Variants in ATP10B observed in about 807,000 individuals in gnomAD.
ATP10B encodes the protein phospholipid-transporting ATPase VB.
A neutral mutation model predicts 141.2 loss-of-function variants in ATP10B; 122 were observed. The ratio of observed to expected loss-of-function variants is 0.86; its 90% CI spans 0.75 to 1.00. The LOEUF (loss-of-function observed/expected upper bound fraction) is 1.00. Ranked by LOEUF, ATP10B falls within the 50% of genes least tolerant of loss-of-function variation. The pLI is 0.00. For synonymous variants in ATP10B, 685 were observed against 692.0 expected, an observed-to-expected ratio of 0.99 and a Z score of 0.16; for missense variants, 1,876 against 1,825.3, an observed-to-expected ratio of 1.03 and a Z score of -0.51.
At chr5:160,674,216 A>G (rs2127730290) in intron 6 of ATP10B, among the ~76,000 whole-genome samples, 1 of 152,332 alleles carries the variant, frequency 6.6e-6, no homozygotes, top group South Asian at 2.1e-4. Flanking sequence ...GTATCTGCAT[A>G]CAGAGGCATA....
intron 1 of ATP10B, among the ~76,000 whole-genome samples, chr5:160,830,294 TA>T (rs1273109961): frequency 6.6e-6 from 1 of 152,160 alleles, no homozygotes; most frequent in Non-Finnish European, 1.5e-5. Context: ...GTTCTATTTT[TA>T]AAAATATTCC....
At chr5:160,649,716 C>T (rs993363167) in intron 7 of ATP10B, among the ~76,000 whole-genome samples, 15 of 152,086 alleles carry the variant, frequency 9.9e-5, no homozygotes, top group African/African-American at 3.1e-4. Flanking sequence ...TTATCACATT[C>T]GATACCACAG....
intron 2 of ATP10B, among the ~76,000 whole-genome samples, chr5:160,778,204 A>G (rs1770474221): frequency 6.6e-6 from 1 of 152,242 alleles, no homozygotes. Flanking sequence ...GCCATAATAA[A>G]TAGTTCTTCA....
chr5:160,829,360 C>T (rs1774897001), intron 1 of ATP10B, among the ~76,000 whole-genome samples: 1 of 152,052 alleles, frequency 6.6e-6, no homozygotes, highest in South Asian at 2.1e-4. Flanking sequence ...TTACTGCACG[C>T]TTATAGTATG....
At chr5:160,628,347 C>T (rs1758718779) in intron 13 of ATP10B, among the ~76,000 whole-genome samples, 1 of 152,246 alleles carries the variant, frequency 6.6e-6, no homozygotes, top group Non-Finnish European at 1.5e-5. Context: ...GGCTTCACTG[C>T]TTCCTGCCCT....
Position 160,620,669 on chromosome 5 carries a change from G to C in ATP10B, c.2094C>G (p.Ser698=), listed in dbSNP as rs776689178. The C allele has an allele frequency of 6.2e-7, 1 of 1,613,740 alleles. No individual in the cohort carries two copies. Residue 698 remains serine, a synonymous_variant, in exon 15 of 26, where the codon TCC becomes TCG. Coordinates refer to ENST00000327245, the MANE Select transcript of ATP10B (RefSeq NM_025153.3). ...GDILESGSGT[S]LEEALEAPAT... Reference sequence around the variant, plus strand: ...CTGGGGCCTCCAATGCCTCCTCCAAGGAAGTGCCTGACCCAGACTCCAGGA... The same window carrying C: ...CTGGGGCCTCCAATGCCTCCTCCAACGAAGTGCCTGACCCAGACTCCAGGA...
chr5:160,739,441 A>C (rs1435302049), intron 2 of ATP10B, among the ~76,000 whole-genome samples: 9 of 152,260 alleles, frequency 5.9e-5, no homozygotes, highest in African/African-American at 1.9e-4. Context: ...AAAAGATAGA[A>C]TAAGTGAGAT....
At chr5:160,603,913 T>G in intron 20 of ATP10B, 52 bp downstream of exon 20, 1 of 1,518,124 alleles carries the variant, frequency 6.6e-7, no homozygotes, top group Non-Finnish European at 9.1e-7. Context: ...GGATATTTCC[T>G]TGTATCTCAA....
chr5:160,716,047 G>C (rs1401380487), intron 3 of ATP10B, among the ~76,000 whole-genome samples: 1 of 152,112 alleles, frequency 6.6e-6, no homozygotes, highest in Non-Finnish European at 1.5e-5. Flanking sequence ...AAGTGCACAT[G>C]TTCTTAGACC....
At chr5:160,678,649 AAACAG>A (rs1763187606) in intron 6 of ATP10B, among the ~76,000 whole-genome samples, 1 of 152,132 alleles carries the variant, frequency 6.6e-6, no homozygotes, top group Admixed American at 6.5e-5. Flanking sequence ...AAACAAAACA[AAACAG>A]AACAAAAAAC....
At chr5:160,684,746 C>T (rs1332588201) in intron 6 of ATP10B, 1 of 610,548 alleles carries the variant, frequency 1.6e-6, no homozygotes, top group Non-Finnish European at 2.9e-6. Context: ...TCTCCCTACT[C>T]CATCCCTTCT....
At chr5:160,765,797 A>G (rs1056758887) in intron 2 of ATP10B, among the ~76,000 whole-genome samples, 1 of 152,138 alleles carries the variant, frequency 6.6e-6, no homozygotes, top group Non-Finnish European at 1.5e-5. Context: ...ATATTCACAA[A>G]CTATGCATCT....
intron 7 of ATP10B, among the ~76,000 whole-genome samples, chr5:160,669,924 A>C (rs988024980): frequency 2.0e-5 from 3 of 150,920 alleles, no homozygotes; most frequent in Admixed American, 2.0e-4. Flanking sequence ...CTCTTAAAAA[A>C]AAAAAGATAT....
the ATP10B span, among the ~76,000 whole-genome samples, chr5:160,898,689 T>C: frequency 6.6e-5 from 10 of 152,174 alleles, no homozygotes; most frequent in Middle Eastern, 3.2e-3. Flanking sequence ...TAAAGACACA[T>C]GCACACGTAT....
At chr5:160,643,433 TAAC>T (rs1257918951) in intron 9 of ATP10B, among the ~76,000 whole-genome samples, 1 of 152,198 alleles carries the variant, frequency 6.6e-6, no homozygotes, top group Non-Finnish European at 1.5e-5. Flanking sequence ...GGTGTTCATG[TAAC>T]AACAGGTGCG....
At chr5:160,663,807 A>G (rs747756616) in intron 7 of ATP10B, among the ~76,000 whole-genome samples, 9 of 151,926 alleles carry the variant, frequency 5.9e-5, no homozygotes, top group Non-Finnish European at 1.3e-4. Context: ...AATTTCCATT[A>G]CAAAAAGCAA....
At chr5:160,796,142 A>G (rs973940068) in intron 1 of ATP10B, among the ~76,000 whole-genome samples, 1 of 152,204 alleles carries the variant, frequency 6.6e-6, no homozygotes, top group Non-Finnish European at 1.5e-5. Flanking sequence ...ACCCTTATGT[A>G]TATCATACCA....
chr5:160,650,104 C>CA (rs1305146319), intron 7 of ATP10B, among the ~76,000 whole-genome samples: 2,143 of 137,022 alleles, frequency 0.016, 56 homozygotes, highest in African/African-American at 0.056. Flanking sequence ...GACTCTGTCT[C>CA]AAAAAAAAAA....
chr5:160,784,643 T>G (rs1001725121), intron 2 of ATP10B, among the ~76,000 whole-genome samples: 18 of 152,278 alleles, frequency 1.2e-4, no homozygotes, highest in Admixed American at 1.1e-3. Context: ...TGATAATGCC[T>G]TGGGTTTTAT....
Sources: allele counts gnomAD v4.1 joint callset (sites outside exome capture counted in the v4.1 genomes callset), GRCh38; gene constraint gnomAD v4.1.1; transcripts MANE v1.5; gene names NCBI Gene and HGNC (gene_info 2026-07-23, HGNC 2026-07-21).